DNAH9: variants seen among roughly 807,000 people sequenced by gnomAD.
The protein encoded by DNAH9 is dynein axonemal heavy chain 9.
Under a neutral mutation model 471.6 loss-of-function variants are expected in DNAH9, and 345 were observed. The observed-to-expected ratio is 0.73, with a 90% CI of 0.67 to 0.80. The LOEUF is 0.80. Ranked by LOEUF, DNAH9 falls within the 30% of genes least tolerant of loss-of-function variation. The pLI is 0.00. For missense variants in DNAH9, 5,407 were observed against 5,609.2 expected (o/e 0.96, Z 1.15); for synonymous variants, 2,093 against 2,123.6 (o/e 0.99, Z 0.40).
Position 11,747,562 on chromosome 17 carries a change from C to T in DNAH9, c.6406C>T (p.Gln2136Ter), listed in dbSNP as rs1245110367. ...GAATTTCCTGCCTCCTCAGGTGGTC[C>T]AGCTGGAGGAGCTCCTGGCTGTGCG... ...AEDNFVLKVV[Q>*]LEELLAVRHS... Residue 2136 changes from glutamine (Q) to a stop codon, truncating the protein, a stop_gained, in exon 32 of 69, where the codon CAG (glutamine) becomes TAG (stop). Coordinates refer to ENST00000262442, the MANE Select transcript of DNAH9 (RefSeq NM_001372.4). LOFTEE classifies it high-confidence loss of function. 1.2e-6 allele frequency: 2 copies of T among 1,613,226 alleles called. No homozygotes were observed.
At chr17:11,749,081 T>G (rs1224571018) in intron 32 of DNAH9, among the ~76,000 whole-genome samples, 1 of 51,624 alleles carries the variant, frequency 1.9e-5, no homozygotes, top group African/African-American at 6.4e-5. Context: ...TTTGTTTTTT[T>G]TTTTGTTTTT....
chr17:11,699,760 C>T lies in DNAH9; in HGVS notation c.4902C>T (p.Asp1634=), dbSNP rs201976552. 25 of 1,614,152 alleles carry T rather than the reference C, an allele frequency of 1.5e-5. No individual in the cohort carries two copies. The highest frequency in any genetic ancestry group is 2.1e-5 in the Non-Finnish European group (25 of 1,179,994). Residue 1634 remains aspartate (D), a synonymous_variant, in exon 23 of 69, where the codon GAC becomes GAT. Transcript: ENST00000262442. Reference sequence around the variant, plus strand: ...AACGTCACCTTTCCAAACTCTTTGACAACATGGCCAAGATGCGATTCCAGC... The same window carrying T: ...AACGTCACCTTTCCAAACTCTTTGATAACATGGCCAAGATGCGATTCCAGC... ...QVQRHLSKLF[D]NMAKMRFQLD...
intron 14 of DNAH9, among the ~76,000 whole-genome samples, chr17:11,657,865 A>C (rs2073682522): frequency 6.6e-6 from 1 of 152,020 alleles, no homozygotes; most frequent in Admixed American, 6.5e-5. Flanking sequence ...AAAAATATAT[A>C]TGGTGGAAAA....
intron 19 of DNAH9, among the ~76,000 whole-genome samples, chr17:11,689,332 C>A (rs1283500579): frequency 6.6e-6 from 1 of 150,504 alleles, no homozygotes; most frequent in Non-Finnish European, 1.5e-5. Flanking sequence ...GCCCTTCTTC[C>A]AATGCCCACT....
rs1359725768 is a variant in DNAH9, at chr17:11,728,462, C to A, written c.5814+540C>A. ...GAAAGCATTTATTAAACACCTACAA[C>A]CTAGTAAGTGTTATGCAAAAGACAG... On this transcript the variant is annotated intron_variant, in intron 28 of 68. Coordinates refer to ENST00000262442, the MANE Select transcript of DNAH9 (RefSeq NM_001372.4). Among the ~76,000 whole-genome samples, 4 of 149,142 alleles carry A rather than the reference C, an allele frequency of 2.7e-5. No individual in the cohort carries two copies. In the Admixed American group the frequency reaches 2.7e-4, roughly 10 times the overall value.
chr17:11,793,045 A>G (rs1567805978), intron 41 of DNAH9, among the ~76,000 whole-genome samples: 1 of 152,254 alleles, frequency 6.6e-6, no homozygotes, highest in Non-Finnish European at 1.5e-5. Context: ...TAGCTGTTGC[A>G]GTTGTTATTT....
At chr17:11,735,670 C>T (rs1211443074) in intron 28 of DNAH9, among the ~76,000 whole-genome samples, 2 of 152,130 alleles carry the variant, frequency 1.3e-5, no homozygotes, top group East Asian at 1.9e-4. Context: ...CTCCTGACCT[C>T]GTGATCCGCC....
intron 45 of DNAH9, among the ~76,000 whole-genome samples, chr17:11,812,685 C>A (rs1480960998): frequency 2.0e-5 from 3 of 152,112 alleles, no homozygotes; most frequent in Non-Finnish European, 4.4e-5. Context: ...CACCCTCATT[C>A]CCTTCCCTCC....
intron 61 of DNAH9, among the ~76,000 whole-genome samples, chr17:11,908,843 C>T (rs1036518697): frequency 6.6e-6 from 1 of 152,170 alleles, no homozygotes; most frequent in Non-Finnish European, 1.5e-5. Flanking sequence ...GGGTGTTTAT[C>T]ACAATTAACA....
At chr17:11,630,592 A>T (rs997388123) in intron 7 of DNAH9, 1 of 152,208 alleles carries the variant, frequency 6.6e-6, no homozygotes, top group Non-Finnish European at 1.5e-5. Flanking sequence ...CAAATACCTG[A>T]TGCATGCGGG....
At chr17:11,752,435 G>A (rs993738294) in intron 32 of DNAH9, among the ~76,000 whole-genome samples, 18 of 152,160 alleles carry the variant, frequency 1.2e-4, no homozygotes, top group Non-Finnish European at 2.5e-4. Flanking sequence ...GCACTGCCAG[G>A]TTTTTGCAAA....
chr17:11,782,953 T>G (rs1968724611), intron 39 of DNAH9, among the ~76,000 whole-genome samples: 2 of 152,286 alleles, frequency 1.3e-5, no homozygotes, highest in South Asian at 4.2e-4. Flanking sequence ...GGTTAAAAAA[T>G]TACTTTATAA....
intron 60 of DNAH9, among the ~76,000 whole-genome samples, chr17:11,903,455 TA>T (rs1973483179): frequency 6.6e-6 from 1 of 152,138 alleles, no homozygotes; most frequent in African/African-American, 2.4e-5. Flanking sequence ...TACAACTTGG[TA>T]AATGTATTAA....
At chr17:11,881,948 C>T (rs1161456526) in intron 55 of DNAH9, among the ~76,000 whole-genome samples, 1 of 151,954 alleles carries the variant, frequency 6.6e-6, no homozygotes, top group African/African-American at 2.4e-5. Context: ...AGACTGGACA[C>T]TCCTATGACC....
At position 11,753,832 on chromosome 17, in the gene DNAH9, G is replaced by A. The variant is rs75644014; in HGVS notation, c.6738+872G>A. 5.1e-3 allele frequency among the ~76,000 whole-genome samples: 783 copies of A among 152,236 alleles called. 5 individuals carry two copies. Among genetic ancestry groups the A allele is most frequent in the African/African-American group, 0.018 (764 of 41,524 alleles). ...GATTGTTTTTTCCACTTTTATTTTAGGTTTGAGGGTACCTGTGCAGGTTTG... is the reference window on the plus strand; with the variant it reads ...GATTGTTTTTTCCACTTTTATTTTAAGTTTGAGGGTACCTGTGCAGGTTTG... On this transcript the variant is annotated intron_variant, in intron 33 of 68. Transcript: ENST00000262442.
chr17:11,860,123 A>G (rs1181108078), intron 50 of DNAH9, among the ~76,000 whole-genome samples: 1 of 152,238 alleles, frequency 6.6e-6, no homozygotes, highest in Non-Finnish European at 1.5e-5. Flanking sequence ...TAAAAAAGCA[A>G]TAATTCCATT....
At chr17:11,793,699 A>G (rs1249230246) in intron 42 of DNAH9, 35 bp downstream of exon 42, 8 of 944,248 alleles carry the variant, frequency 8.5e-6, no homozygotes, top group South Asian at 4.4e-5. Flanking sequence ...TTTGTATTTG[A>G]AAAAAAAAAA....
At position 11,644,657 on chromosome 17, in the gene DNAH9, G is replaced by T. The variant is rs2073345112; in HGVS notation, c.1928G>T (p.Arg643Leu). ...TGCATGGAATCTGCAGAAGGAAAGC[G>T]AATGCAACAAAAATATGAAGATATG... is the stretch of plus-strand genomic sequence containing the variant. Reference protein sequence around the residue: ...HPCMESAEGKRMQQKYEDMLS... With the variant: ...HPCMESAEGKLMQQKYEDMLS... Residue 643 changes from arginine to leucine, a missense_variant, in exon 11 of 69, where the codon CGA (arginine) becomes CTA (leucine). Coordinates refer to ENST00000262442, the MANE Select transcript of DNAH9 (RefSeq NM_001372.4). 1 of 1,612,542 alleles carries T rather than the reference G, an allele frequency of 6.2e-7. No individual in the cohort carries two copies. Among genetic ancestry groups the T allele is most frequent in the African/African-American group, 1.3e-5 (1 of 74,868 alleles).
At chr17:11,721,679 A>G (rs2075062164) in intron 27 of DNAH9, among the ~76,000 whole-genome samples, 1 of 152,092 alleles carries the variant, frequency 6.6e-6, no homozygotes, top group East Asian at 1.9e-4. Context: ...AGGTAGATAA[A>G]TGATAGATGA....
Sources: allele counts gnomAD v4.1 joint callset (sites outside exome capture counted in the v4.1 genomes callset), GRCh38; gene constraint gnomAD v4.1.1; transcripts MANE v1.5; gene names NCBI Gene and HGNC (gene_info 2026-07-23, HGNC 2026-07-21).